Variants in ADAMTS14 observed in about 807,000 individuals in gnomAD.
ADAMTS14 encodes the protein ADAM metallopeptidase with thrombospondin type 1 motif 14.
A neutral mutation model predicts 128.6 loss-of-function variants in ADAMTS14; 100 were observed. The observed-to-expected ratio is 0.78, with a 90% CI of 0.66 to 0.92. ADAMTS14 has a LOEUF of 0.92. Among genes scored for constraint, ADAMTS14 ranks in the 40% least tolerant of loss-of-function variants. The pLI is 0.00. For missense variants in ADAMTS14, 1,562 were observed against 1,658.6 expected, an observed-to-expected ratio of 0.94 and a Z score of 1.01; for synonymous variants, 665 against 653.8, an observed-to-expected ratio of 1.02 and a Z score of -0.26.
intron 21 of ADAMTS14, among the ~76,000 whole-genome samples, chr10:70,759,284 T>A (rs1421828027): frequency 6.6e-6 from 1 of 151,934 alleles, no homozygotes; most frequent in Non-Finnish European, 1.5e-5. Context: ...ATCTTTCTCT[T>A]GTTCCCCTAA....
chr10:70,756,390 T>C (rs1256296305), intron 19 of ADAMTS14, among the ~76,000 whole-genome samples: 1 of 152,244 alleles, frequency 6.6e-6, no homozygotes. Flanking sequence ...TAAAACAGAT[T>C]GCTGGTCTTC....
At chr10:70,728,748 G>A (rs1406751965) in intron 4 of ADAMTS14, among the ~76,000 whole-genome samples, 1 of 152,224 alleles carries the variant, frequency 6.6e-6, no homozygotes, top group African/African-American at 2.4e-5. Context: ...AGGAGGCCTG[G>A]GGTGGGGCCC....
rs1842421838 is a variant in ADAMTS14, at chr10:70,753,990, C to T, written c.2920C>T (p.Leu974=). Residue 974 remains leucine, a synonymous_variant, in exon 19 of 22, where the codon CTG becomes TTG. Transcript: ENST00000373207. The part of the protein sequence containing the change: ...LRVPCPAQWR[L]GAWSQCSATC... ...AGTGCCCTGCCCAGCCCAGTGGAGG[C>T]TGGGAGCCTGGTCCCAGGTGACTTG... 5 of 1,567,754 alleles carry T rather than the reference C, an allele frequency of 3.2e-6. No homozygotes were observed. The highest frequency in any genetic ancestry group is 2.3e-5 in the East Asian group (1 of 42,644).
At chr10:70,749,425 A>G (rs533369102) in intron 15 of ADAMTS14, among the ~76,000 whole-genome samples, 8 of 152,288 alleles carry the variant, frequency 5.3e-5, no homozygotes, top group African/African-American at 1.9e-4. Flanking sequence ...CTCAGCCTCT[A>G]TGCTCTGCTA....
At chr10:70,679,071 C>T (rs1028767357) in intron 2 of ADAMTS14, among the ~76,000 whole-genome samples, 1 of 152,068 alleles carries the variant, frequency 6.6e-6, no homozygotes, top group Non-Finnish European at 1.5e-5. Flanking sequence ...CTAGTGGGGA[C>T]CCAGACATAA....
intron 2 of ADAMTS14, among the ~76,000 whole-genome samples, chr10:70,677,095 A>G (rs1839667054): frequency 6.6e-6 from 1 of 152,188 alleles, no homozygotes; most frequent in South Asian, 2.1e-4. Flanking sequence ...CCAGCTCAGC[A>G]GCCCATTGAC....
chr10:70,757,234 G>A (rs1037425104), intron 19 of ADAMTS14, among the ~76,000 whole-genome samples: 4 of 152,148 alleles, frequency 2.6e-5, no homozygotes, highest in Admixed American at 2.0e-4. Context: ...GACGATGTGT[G>A]TGGCCACCCC....
At chr10:70,703,553 T>A (rs1323992452) in intron 3 of ADAMTS14, among the ~76,000 whole-genome samples, 1 of 152,212 alleles carries the variant, frequency 6.6e-6, no homozygotes, top group Non-Finnish European at 1.5e-5. Context: ...GCGGGGCCTC[T>A]GAGCACTGGC....
intron 4 of ADAMTS14, among the ~76,000 whole-genome samples, chr10:70,714,644 G>A (rs2132629170): frequency 6.6e-6 from 1 of 152,266 alleles, no homozygotes; most frequent in Non-Finnish European, 1.5e-5. Flanking sequence ...GTACCTCAAA[G>A]GGGTGGTGAA....
Position 70,741,100 on chromosome 10 carries a change from G to T in ADAMTS14, c.1862G>T (p.Arg621Leu). The T allele has an allele frequency of 6.2e-7, 1 of 1,613,932 alleles. No homozygotes were observed. The change falls in exon 12 of 22, where the codon CGC (arginine) becomes CTC (leucine). Residue 621 changes from arginine to leucine, a missense_variant. Transcript: ENST00000373207. ...EDFRAQQCAK[R>L]NSYYVHQNAK... ...TTCCGGGCCCAGCAGTGTGCCAAGC[G>T]CAACTCCTACTATGTGCACCAGAAT...
intron 12 of ADAMTS14, among the ~76,000 whole-genome samples, chr10:70,742,847 T>C (rs1842044410): frequency 6.6e-6 from 1 of 152,262 alleles, no homozygotes; most frequent in African/African-American, 2.4e-5. Context: ...ATTTAATTGT[T>C]AGGACCAGAA....
intron 4 of ADAMTS14, among the ~76,000 whole-genome samples, chr10:70,726,878 G>T (rs905101579): frequency 2.6e-5 from 4 of 152,222 alleles, no homozygotes; most frequent in Non-Finnish European, 5.9e-5. Context: ...TCCCACTGGG[G>T]AGGGGAGGAG....
intron 4 of ADAMTS14, among the ~76,000 whole-genome samples, chr10:70,725,663 C>G (rs1841405444): frequency 6.6e-6 from 1 of 152,162 alleles, no homozygotes; most frequent in African/African-American, 2.4e-5. Context: ...CTTAATTACC[C>G]CCTAATGCCC....
chr10:70,738,950 G>A lies in ADAMTS14; in HGVS notation c.1708G>A (p.Gly570Ser), dbSNP rs1841911761. 1 of 1,613,542 alleles carries A rather than the reference G, an allele frequency of 6.2e-7. No homozygotes were observed. The highest frequency in any genetic ancestry group is 1.3e-5 in the African/African-American group (1 of 74,924). ...TGGGTCATGTTCGCGGTCATGTGGG[G>A]GCGGGGTGCGATCCCGCAGCCGGAG... ...KFGSCSRSCG[G>S]GVRSRSRSCN... The change falls in exon 11 of 22, where the codon GGC becomes AGC. Residue 570 changes from glycine (G) to serine (S), a missense_variant. Gly to Ser is a moderately conservative substitution (Grantham distance 56). Coordinates refer to ENST00000373207, the MANE Select transcript of ADAMTS14 (RefSeq NM_080722.4).
At chr10:70,711,254 G>T (rs1007128368) in intron 4 of ADAMTS14, among the ~76,000 whole-genome samples, 1 of 152,198 alleles carries the variant, frequency 6.6e-6, no homozygotes, top group South Asian at 2.1e-4. Flanking sequence ...ACAACACAAC[G>T]CTGACTCCTA....
intron 15 of ADAMTS14, among the ~76,000 whole-genome samples, chr10:70,748,320 G>A (rs779844777): frequency 6.6e-6 from 1 of 152,190 alleles, no homozygotes; most frequent in Non-Finnish European, 1.5e-5. Context: ...ACAGTGAGGT[G>A]CAGGCACAGT....
intron 21 of ADAMTS14, among the ~76,000 whole-genome samples, chr10:70,759,913 AC>A (rs1842565440): frequency 6.6e-6 from 1 of 152,064 alleles, no homozygotes; most frequent in African/African-American, 2.4e-5. Flanking sequence ...GGAGACAGGC[AC>A]CCCCAAGGAT....
At chr10:70,676,546 G>C (rs1024197362) in intron 2 of ADAMTS14, among the ~76,000 whole-genome samples, 5 of 152,158 alleles carry the variant, frequency 3.3e-5, no homozygotes, top group African/African-American at 1.2e-4. Flanking sequence ...TGCCTCTCAG[G>C]GGAGGGACCA....
In ADAMTS14 at chr10:70,741,119, C is replaced by T; in HGVS notation, c.1881C>T (p.His627=). ...QCAKRNSYYV[H]QNAKHSWVPY... ...CCAAGCGCAACTCCTACTATGTGCA[C>T]CAGAATGCCAAGCACAGCTGGGTGC... Residue 627 remains histidine (H), a synonymous_variant, in exon 12 of 22, where the codon CAC becomes CAT. Transcript: ENST00000373207. 6.2e-7 allele frequency: 1 copy of T among 1,613,842 alleles called. No individual in the cohort carries two copies. The highest frequency in any genetic ancestry group is 8.5e-7 in the Non-Finnish European group (1 of 1,180,000).
Sources: gnomAD v4.1 joint callset for allele counts (sites outside exome capture counted in the v4.1 genomes callset) on GRCh38, gnomAD v4.1.1 for gene constraint, MANE v1.5 for transcripts, NCBI Gene and HGNC (gene_info 2026-07-23, HGNC 2026-07-21) for gene names.